LMO1: variants seen among roughly 807,000 people sequenced by gnomAD.
The protein encoded by LMO1 is rhombotin-1.
In LMO1, 10 loss-of-function variants were observed where a neutral mutation model predicts 18.0. The ratio of observed to expected loss-of-function variants is 0.55; its 90% CI spans 0.34 to 0.94. LMO1 has a LOEUF of 0.94. Among genes scored for constraint, LMO1 ranks in the 40% least tolerant of loss-of-function variants. The probability of loss-of-function intolerance (pLI) is 0.02; values close to 1 mark genes in which losing one functional copy is unlikely to be tolerated. For synonymous variants in LMO1, 77 were observed against 77.9 expected (o/e 0.99, Z 0.06); for missense variants, 183 against 205.7 (o/e 0.89, Z 0.68).
rs1375460386 is a variant in LMO1 at position 8,263,518 on chromosome 11, A to G, written c.-156T>C. ...ACCTAGATTGCACTCAGCTAGAATTACATTCAGGAGTGAAGCACTTCGCAG... is the reference window on the plus strand; with the variant it reads ...ACCTAGATTGCACTCAGCTAGAATTGCATTCAGGAGTGAAGCACTTCGCAG... On this transcript the variant is annotated 5_prime_UTR_variant, in exon 1 of 4. The change abolishes the stop of an existing upstream ORF in the 5' untranslated region. Transcript: ENST00000335790. 7.1e-7 allele frequency: 1 copy of G among 1,415,564 alleles called. No individual in the cohort carries two copies. The highest frequency in any genetic ancestry group is 1.5e-5 in the African/African-American group (1 of 67,292). The allele number at this position is 1,415,564 out of a possible 1,614,324, so 87.7% of individuals were successfully genotyped here. A position where few individuals can be genotyped will look rare whatever the true frequency, so the allele number is the denominator to read the frequency against.
At chr11:8,244,734 G>C (rs1003369476) in intron 1 of LMO1, among the ~76,000 whole-genome samples, 2 of 152,210 alleles carry the variant, frequency 1.3e-5, no homozygotes, top group Non-Finnish European at 2.9e-5. Flanking sequence ...TAAGGGCTGG[G>C]GGCACCAGCA....
chr11:8,244,430 G>A (rs982613324), intron 1 of LMO1, among the ~76,000 whole-genome samples: 1 of 152,260 alleles, frequency 6.6e-6, no homozygotes, highest in African/African-American at 2.4e-5. Flanking sequence ...ATAGAGCCCT[G>A]TGAGCGGAAC....
upstream of LMO1, among the ~76,000 whole-genome samples, chr11:8,266,381 C>T (rs1263021775): frequency 6.6e-6 from 1 of 151,352 alleles, no homozygotes; most frequent in Non-Finnish European, 1.5e-5. Flanking sequence ...CCCATGCTCA[C>T]CCCACCCAAG....
upstream of LMO1, chr11:8,268,468 G>A: frequency 3.5e-6 from 5 of 1,431,900 alleles, no homozygotes; most frequent in East Asian, 3.1e-5. Context: ...GGCTCCAGCC[G>A]GACTAGCGCC....
chr11:8,227,564 C>A (rs1044711232), intron 2 of LMO1, among the ~76,000 whole-genome samples: 19 of 152,238 alleles, frequency 1.2e-4, no homozygotes, highest in African/African-American at 4.3e-4. Context: ...AGTTGTGAAA[C>A]CTGTTGTAAA....
chr11:8,255,201 A>G (rs557431367), intron 1 of LMO1, among the ~76,000 whole-genome samples: 1 of 152,292 alleles, frequency 6.6e-6, no homozygotes, highest in African/African-American at 2.4e-5. Flanking sequence ...CTTGGCCTCA[A>G]GAAGCCTTGT....
At chr11:8,227,468 T>C (rs1381117688) in intron 2 of LMO1, among the ~76,000 whole-genome samples, 1 of 152,220 alleles carries the variant, frequency 6.6e-6, no homozygotes, top group African/African-American at 2.4e-5. Flanking sequence ...TCTTGGGTTG[T>C]GTGCCCTCAG....
At chr11:8,231,957 G>C (rs1210045336) in intron 1 of LMO1, among the ~76,000 whole-genome samples, 1 of 152,176 alleles carries the variant, frequency 6.6e-6, no homozygotes, top group Non-Finnish European at 1.5e-5. Flanking sequence ...AGTTCTCCCA[G>C]TTAAATGTTC....
At chr11:8,259,451 T>C (rs752308248) in intron 1 of LMO1, among the ~76,000 whole-genome samples, 1 of 152,186 alleles carries the variant, frequency 6.6e-6, no homozygotes, top group Non-Finnish European at 1.5e-5. Flanking sequence ...GGGCTGCCGC[T>C]GGGGCTGGTC....
intron 1 of LMO1, among the ~76,000 whole-genome samples, chr11:8,251,552 G>T (rs1353635617): frequency 6.6e-6 from 1 of 152,182 alleles, no homozygotes; most frequent in Non-Finnish European, 1.5e-5. Flanking sequence ...GAGAAGAGAG[G>T]CCCTGGGGTG....
At chr11:8,231,570 C>T (rs1460437941) in intron 1 of LMO1, among the ~76,000 whole-genome samples, 3 of 152,168 alleles carry the variant, frequency 2.0e-5, no homozygotes, top group African/African-American at 7.2e-5. Context: ...CTTGACAGGG[C>T]GGGAGCCTGT....
chr11:8,255,378 G>T (rs895978790), intron 1 of LMO1, among the ~76,000 whole-genome samples: 1 of 152,170 alleles, frequency 6.6e-6, no homozygotes, highest in African/African-American at 2.4e-5. Context: ...ATGGTGATAT[G>T]GACCTATAGT....
upstream of LMO1, chr11:8,263,950 A>G: frequency 1.1e-6 from 1 of 875,314 alleles, no homozygotes; most frequent in Non-Finnish European, 1.4e-6. Context: ...GTTAATGGGG[A>G]GTGGAGACGC....
chr11:8,234,601 C>T (rs1204595770), intron 1 of LMO1, among the ~76,000 whole-genome samples: 2 of 152,182 alleles, frequency 1.3e-5, no homozygotes, highest in Non-Finnish European at 2.9e-5. Flanking sequence ...GAACGTCTAC[C>T]TCACCCAGCT....
intron 1 of LMO1, among the ~76,000 whole-genome samples, chr11:8,247,948 A>T (rs1386719268): frequency 6.6e-6 from 1 of 152,250 alleles, no homozygotes; most frequent in Non-Finnish European, 1.5e-5. Context: ...GGGTGGGCAC[A>T]GTGCTGCCTG....
chr11:8,225,135 C>T (rs987458100), intron 3 of LMO1, among the ~76,000 whole-genome samples: 5 of 150,964 alleles, frequency 3.3e-5, no homozygotes, highest in South Asian at 2.1e-4. Context: ...GAGATGGGGC[C>T]GGGTGTGGTG....
chr11:8,227,547 A>G (rs1952570929), intron 2 of LMO1, among the ~76,000 whole-genome samples: 3 of 152,250 alleles, frequency 2.0e-5, no homozygotes, highest in Admixed American at 2.0e-4. Flanking sequence ...CACACCCTTT[A>G]TGGGGTAGTT....
At chr11:8,231,344 G>A (rs550448186) in intron 1 of LMO1, among the ~76,000 whole-genome samples, 7 of 152,252 alleles carry the variant, frequency 4.6e-5, no homozygotes, top group African/African-American at 9.6e-5. Flanking sequence ...CGCGGCAGGC[G>A]AGCATGTGCG....
Position 8,224,327 on chromosome 11 carries a change from G to C in LMO1, c.*289C>G. On this transcript the variant is annotated 3_prime_UTR_variant, in exon 4 of 4. Transcript: ENST00000335790. ...AGTAACCTCCCGGAAACATTCATAA[G>C]TTTAATCCACGCCAGTAATAAAATC... The C allele has an allele frequency of 2.3e-6, 1 of 433,162 alleles. No individual in the cohort carries two copies. Among genetic ancestry groups the C allele is most frequent in the South Asian group, 3.3e-5 (1 of 30,506 alleles). The allele number at this position is 433,162 out of a possible 1,614,324, so 26.8% of individuals were successfully genotyped here. A position where few individuals can be genotyped will look rare whatever the true frequency, so the allele number is the denominator to read the frequency against.
Sources: allele counts gnomAD v4.1 joint callset (sites outside exome capture counted in the v4.1 genomes callset), GRCh38; gene constraint gnomAD v4.1.1; transcripts MANE v1.5; gene names NCBI Gene and HGNC (gene_info 2026-07-23, HGNC 2026-07-21).